FAM234A: variants seen among roughly 807,000 people sequenced by gnomAD.
FAM234A encodes protein FAM234A.
A neutral mutation model predicts 49.1 loss-of-function variants in FAM234A; 42 were observed. The observed-to-expected ratio is 0.86, with a 90% CI of 0.67 to 1.11. The LOEUF (loss-of-function observed/expected upper bound fraction) is 1.11. Ranked by LOEUF, FAM234A falls within the 50% of genes least tolerant of loss-of-function variation. The pLI, the probability that FAM234A is intolerant of heterozygous loss-of-function variation, is 0.00. For missense variants in FAM234A, 815 were observed against 745.2 expected (o/e 1.09, Z -1.09); for synonymous variants, 369 against 316.2 (o/e 1.17, Z -1.77).
At position 259,722 on chromosome 16, in the gene FAM234A, G is replaced by A. The variant is rs557845955; in HGVS notation, c.385+123G>A. The A allele has an allele frequency of 1.4e-4, 108 of 756,962 alleles. 1 individual carries two copies. In the South Asian group the frequency reaches 1.6e-3, roughly 12 times the overall value. 46.9% of individuals were successfully genotyped at this position (756,962 alleles called of 1,614,324 possible). On this transcript the variant is annotated intron_variant, in intron 4 of 12. Coordinates refer to ENST00000399932, the MANE Select transcript of FAM234A (RefSeq NM_032039.4). ...TGGTGGTGTTTCTGGAACCCATCTC[G>A]TCATCCTTCCTGGCAGACCAGAAAG... is the stretch of plus-strand genomic sequence containing the variant.
downstream of FAM234A, chr16:268,745 C>A: frequency 6.5e-7 from 1 of 1,544,088 alleles, no homozygotes; most frequent in African/African-American, 1.4e-5. Flanking sequence ...GAGGCAGCCT[C>A]AGCACGGCAC....
intron 1 of FAM234A, among the ~76,000 whole-genome samples, 176 bp downstream of exon 1, chr16:235,033 G>C (rs2050349531): frequency 6.6e-6 from 1 of 152,234 alleles, no homozygotes; most frequent in Non-Finnish European, 1.5e-5. Flanking sequence ...GGGAGGCTGC[G>C]GCGGGGCCCC....
At chr16:249,022 T>C (rs1466801570) in intron 1 of FAM234A, among the ~76,000 whole-genome samples, 1 of 152,002 alleles carries the variant, frequency 6.6e-6, no homozygotes, top group Non-Finnish European at 1.5e-5. Context: ...ATAGCTTACA[T>C]ATTAGAAGAA....
intron 1 of FAM234A, among the ~76,000 whole-genome samples, chr16:238,880 C>G (rs537294755): frequency 6.9e-6 from 1 of 144,698 alleles, no homozygotes; most frequent in African/African-American, 2.6e-5. Flanking sequence ...GTCAGGAGAT[C>G]GAGACTATCC....
chr16:261,485 C>A lies in FAM234A; in HGVS notation c.679C>A (p.Leu227Met). 6.2e-7 allele frequency: 1 copy of A among 1,611,474 alleles called. No homozygotes were observed. Among genetic ancestry groups the A allele is most frequent in the Non-Finnish European group, 8.5e-7 (1 of 1,179,180 alleles). ...PDVDGDGAPD[L>M]LVLTQEREEV... is the part of the protein sequence containing the mutation. ...TGTGGACGGCGATGGGGCCCCAGAC[C>A]TGCTGGTTCTCACCCAGGAGCGGGA... Residue 227 changes from leucine to methionine, a missense_variant, in exon 6 of 13, where the codon CTG (leucine) becomes ATG (methionine). By Grantham distance (15) the Leu-to-Met change is conservative. Coordinates refer to ENST00000399932, the MANE Select transcript of FAM234A (RefSeq NM_032039.4).
intron 1 of FAM234A, among the ~76,000 whole-genome samples, chr16:235,877 G>A (rs1166633493): frequency 6.6e-6 from 1 of 152,116 alleles, no homozygotes; most frequent in African/African-American, 2.4e-5. Context: ...TGCTGGGCCG[G>A]CGCGGTGGCT....
Position 259,534 on chromosome 16 carries a change from A to T in FAM234A, c.320A>T (p.Asp107Val), listed in dbSNP as rs2051373023. Residue 107 changes from aspartate to valine, a missense_variant, in exon 4 of 13, where the codon GAT (aspartate) becomes GTT (valine). By Grantham distance (152) the Asp-to-Val change is radical. Coordinates refer to ENST00000399932, the MANE Select transcript of FAM234A (RefSeq NM_032039.4). ...VDDINGDRIQ[D>V]VLFLYKNTNS... Reference sequence around the variant, plus strand: ...GATATAAACGGGGACAGGATCCAAGATGTTCTTTTTCTTTATAAAAACACC... The same window carrying T: ...GATATAAACGGGGACAGGATCCAAGTTGTTCTTTTTCTTTATAAAAACACC... 3.1e-6 allele frequency: 5 copies of T among 1,613,014 alleles called. No homozygotes were observed. Among genetic ancestry groups the T allele is most frequent in the Non-Finnish European group, 4.2e-6 (5 of 1,179,130 alleles).
chr16:255,100 C>A (rs920810373), intron 3 of FAM234A, among the ~76,000 whole-genome samples: 2 of 152,172 alleles, frequency 1.3e-5, no homozygotes, highest in African/African-American at 4.8e-5. Context: ...GTGATCCGCC[C>A]GCCTCAGCCT....
At chr16:257,801 C>G (rs890776983) in intron 3 of FAM234A, among the ~76,000 whole-genome samples, 3 of 152,014 alleles carry the variant, frequency 2.0e-5, no homozygotes, top group African/African-American at 7.2e-5. Context: ...GCCTGGGCAA[C>G]GTAGCCAGAC....
At chr16:241,772 C>G (rs1375774920) in intron 1 of FAM234A, among the ~76,000 whole-genome samples, 2 of 151,062 alleles carry the variant, frequency 1.3e-5, no homozygotes, top group Non-Finnish European at 2.9e-5. Context: ...AAAAAATTAG[C>G]CGGGCTTGGT....
chr16:260,600 A>G (rs1466998456), intron 5 of FAM234A: 1 of 474,916 alleles, frequency 2.1e-6, no homozygotes, highest in South Asian at 1.5e-5. Flanking sequence ...TCCGAGCCCC[A>G]GCGGAGCCGG....
chr16:262,625 C>T (rs1435792497), intron 8 of FAM234A, 72 bp downstream of exon 8: 63 of 1,462,354 alleles, frequency 4.3e-5, no homozygotes, highest in Non-Finnish European at 5.2e-5. Context: ...CCTCAGCGTT[C>T]GGACAATCTG....
At chr16:263,798 G>A (rs1490493138) in intron 10 of FAM234A, 23 bp downstream of exon 10, 2 of 1,591,318 alleles carry the variant, frequency 1.3e-6, no homozygotes, top group South Asian at 2.2e-5. Context: ...TCCTTCGGAG[G>A]TGGCACCTTT....
Position 254,427 on chromosome 16 carries a change from A to G in FAM234A, c.14A>G (p.Lys5Arg), listed in dbSNP as rs745449443. Reference protein sequence around the residue: MLDHKDLEAEIHPLK... With the variant: MLDHRDLEAEIHPLK... ...GATGTGCCCGTGATGTTGGACCACA[A>G]GGACTTAGAGGCCGAAATCCACCCC... Residue 5 changes from lysine (K) to arginine (R), a missense_variant, in exon 3 of 13, where the codon AAG becomes AGG. Coordinates refer to ENST00000399932, the MANE Select transcript of FAM234A (RefSeq NM_032039.4). The G allele has an allele frequency of 3.1e-6, 5 of 1,614,060 alleles. No individual in the cohort carries two copies. In the South Asian group the frequency reaches 3.3e-5, roughly 11 times the overall value.
intron 2 of FAM234A, among the ~76,000 whole-genome samples, chr16:252,197 T>C (rs1401315676): frequency 4.8e-5 from 7 of 147,016 alleles, no homozygotes; most frequent in Non-Finnish European, 1.1e-4. Context: ...TTTTTTTTTT[T>C]TTTTGAGACA....
At chr16:252,056 G>A (rs1334935346) in intron 2 of FAM234A, among the ~76,000 whole-genome samples, 16 of 149,806 alleles carry the variant, frequency 1.1e-4, no homozygotes, top group Non-Finnish European at 1.5e-4. Context: ...GCTAGAGTGC[G>A]GTGGCATGAT....
chr16:251,500 G>T (rs1483658870), intron 2 of FAM234A, among the ~76,000 whole-genome samples: 4 of 151,488 alleles, frequency 2.6e-5, no homozygotes, highest in Admixed American at 2.6e-4. Flanking sequence ...CCCAGCCTCC[G>T]GGTAGCTGAG....
Position 251,679 on chromosome 16 carries a change from G to GTTTTTTTT in FAM234A, c.-34+2045_-34+2052dup, listed in dbSNP as rs1172222528. ...GGCATAAGCCACCATGCCTAGCCAGGTTTTTTTTTTTTTTTTTTTTTTTTT... is the reference window on the plus strand; with the variant it reads ...GGCATAAGCCACCATGCCTAGCCAGGTTTTTTTTTTTTTTTTTTTTTTTTTTTTTTTTT... On this transcript the variant is annotated intron_variant, in intron 2 of 12. Transcript: ENST00000399932. Among the ~76,000 whole-genome samples the GTTTTTTTT allele has an allele frequency of 5.7e-4, 52 of 91,140 alleles. 1 individual carries two copies. The highest frequency in any genetic ancestry group is 8.5e-4 in the Non-Finnish European group (43 of 50,342). 59.8% of individuals were successfully genotyped at this position (91,140 alleles called of 152,430 possible). A position where few individuals can be genotyped will look rare whatever the true frequency, so the allele number is the denominator to read the frequency against.
rs375860360 is a variant in FAM234A, at chr16:263,210, C to A, written c.972-52C>A. 68 of 1,596,046 alleles carry A rather than the reference C, an allele frequency of 4.3e-5. No homozygotes were observed. In the East Asian group the frequency reaches 1.1e-3, roughly 25 times the overall value. ...GCGGTGCCAGAGCCTCCACTGGGTG[C>A]CTGAGGCCGCCCCGGGGACCCGGCG... On this transcript the variant is annotated intron_variant, in intron 8 of 12. Transcript: ENST00000399932.
Sources: allele counts gnomAD v4.1 joint callset (sites outside exome capture counted in the v4.1 genomes callset), GRCh38; gene constraint gnomAD v4.1.1; transcripts MANE v1.5; gene names NCBI Gene and HGNC (gene_info 2026-07-23, HGNC 2026-07-21).